B3GAT2: variants seen among roughly 807,000 people sequenced by gnomAD.
The protein encoded by B3GAT2 is beta-1,3-glucuronyltransferase 2, also known as galactosylgalactosylxylosylprotein 3-beta-glucuronosyltransferase 2.
In B3GAT2, 26 loss-of-function variants were observed where a neutral mutation model predicts 27.8. The ratio of observed to expected loss-of-function variants is 0.93; its 90% CI spans 0.68 to 1.30. B3GAT2 has a LOEUF of 1.30. Among genes scored for constraint, B3GAT2 ranks in the 50% most tolerant of loss-of-function variants. B3GAT2 has a pLI of 0.00. For missense variants in B3GAT2, 458 were observed against 459.0 expected, an observed-to-expected ratio of 1.00 and a Z score of 0.02; for synonymous variants, 218 against 195.1, an observed-to-expected ratio of 1.12 and a Z score of -0.98.
intron 1 of B3GAT2, among the ~76,000 whole-genome samples, chr6:70,926,979 C>A (rs1304127337): frequency 6.6e-6 from 1 of 152,130 alleles, no homozygotes; most frequent in Non-Finnish European, 1.5e-5. Flanking sequence ...GCAGATCTCT[C>A]AGCAGAAACA....
intron 1 of B3GAT2, among the ~76,000 whole-genome samples, chr6:70,918,295 T>C (rs985643357): frequency 3.3e-5 from 5 of 152,178 alleles, no homozygotes; most frequent in African/African-American, 9.6e-5. Flanking sequence ...ATGTGTGTCT[T>C]TGCATGTGAG....
intron 2 of B3GAT2, 162 bp from the exon 3 acceptor site, chr6:70,862,140 C>A: frequency 1.5e-6 from 1 of 645,568 alleles, no homozygotes. Flanking sequence ...ATTACAGTCT[C>A]AAAGGAAAAT....
At position 70,955,832 on chromosome 6, in the gene B3GAT2, C is replaced by A. The variant is rs1765645321; in HGVS notation, c.591+7G>T. ...TCGCCCACCCAGCGGGGCAGGCTGG[C>A]CTTTACCTCCTGGAAGAGCTCCAGA... On this transcript the variant is annotated splice_region_variant and intron_variant, in intron 1 of 3. Transcript: ENST00000230053. 1.3e-6 allele frequency: 2 copies of A among 1,588,196 alleles called. No homozygotes were observed.
chr6:70,876,211 G>A (rs560886168), intron 2 of B3GAT2, among the ~76,000 whole-genome samples: 24 of 152,298 alleles, frequency 1.6e-4, no homozygotes, highest in African/African-American at 5.5e-4. Context: ...ATATAGCAGA[G>A]CATGGTGAAG....
At chr6:70,941,231 T>C (rs577737576) in intron 1 of B3GAT2, among the ~76,000 whole-genome samples, 15 of 152,258 alleles carry the variant, frequency 9.9e-5, no homozygotes, top group African/African-American at 3.6e-4. Context: ...GAGAAGAACA[T>C]TTAGAGGCAC....
At chr6:70,911,969 ATGCAACTTATTTT>A (rs1488169564) in intron 1 of B3GAT2, among the ~76,000 whole-genome samples, 1 of 152,170 alleles carries the variant, frequency 6.6e-6, no homozygotes, top group African/African-American at 2.4e-5. Flanking sequence ...GTGTAAAGGA[ATGCAACTTATTTT>A]TGCACAGTGA....
rs181717429 is a variant in B3GAT2 at position 70,941,054 on chromosome 6, C to G, written c.591+14785G>C. Among the ~76,000 whole-genome samples, 751 of 152,228 alleles carry G rather than the reference C, an allele frequency of 4.9e-3. 3 individuals carry two copies. Among genetic ancestry groups the G allele is most frequent in the Non-Finnish European group, 8.1e-3 (548 of 68,000 alleles). ...ACTTCCTCCCAGGACTCTTTGTAGACAAGCCCTATTTAACTCTTGTCCCTG... is the reference window on the plus strand; with the variant it reads ...ACTTCCTCCCAGGACTCTTTGTAGAGAAGCCCTATTTAACTCTTGTCCCTG... On this transcript the variant is annotated intron_variant, in intron 1 of 3. Coordinates refer to ENST00000230053, the MANE Select transcript of B3GAT2 (RefSeq NM_080742.3).
intron 1 of B3GAT2, among the ~76,000 whole-genome samples, chr6:70,923,710 T>C (rs529047421): frequency 3.9e-5 from 6 of 152,254 alleles, no homozygotes; most frequent in African/African-American, 1.4e-4. Flanking sequence ...ATCTCACAGG[T>C]AGACAATTCA....
intron 2 of B3GAT2, among the ~76,000 whole-genome samples, chr6:70,876,618 G>T (rs1772019140): frequency 1.3e-5 from 2 of 152,150 alleles, no homozygotes; most frequent in African/African-American, 4.8e-5. Flanking sequence ...AGCATTCTTT[G>T]TTAAGCATAA....
intron 1 of B3GAT2, among the ~76,000 whole-genome samples, chr6:70,933,862 G>A (rs1053843511): frequency 6.6e-6 from 1 of 152,088 alleles, no homozygotes; most frequent in Admixed American, 6.6e-5. Context: ...TACAAATAGA[G>A]AGTGAAGTTA....
chr6:70,900,547 A>G (rs1019098159), intron 1 of B3GAT2, among the ~76,000 whole-genome samples: 3 of 152,240 alleles, frequency 2.0e-5, no homozygotes, highest in Admixed American at 1.3e-4. Context: ...CCATGCCAGG[A>G]CAGCTTTTTA....
At chr6:70,952,367 TA>T (rs1240003873) in intron 1 of B3GAT2, among the ~76,000 whole-genome samples, 1 of 152,178 alleles carries the variant, frequency 6.6e-6, no homozygotes, top group African/African-American at 2.4e-5. Context: ...TTTTTTTTAG[TA>T]TTTCAATTCA....
intron 1 of B3GAT2, among the ~76,000 whole-genome samples, chr6:70,950,381 T>C (rs1010625279): frequency 6.6e-6 from 1 of 151,720 alleles, no homozygotes; most frequent in African/African-American, 2.4e-5. Flanking sequence ...AGAGTTGACA[T>C]AACCAAGAAG....
intron 1 of B3GAT2, among the ~76,000 whole-genome samples, chr6:70,939,935 T>TA (rs1765361819): frequency 6.6e-6 from 1 of 151,986 alleles, no homozygotes; most frequent in Non-Finnish European, 1.5e-5. Flanking sequence ...AGATGTCAAT[T>TA]AAAAAATATC....
chr6:70,886,453 A>C (rs566862902), intron 2 of B3GAT2, among the ~76,000 whole-genome samples: 1 of 152,322 alleles, frequency 6.6e-6, no homozygotes, highest in Admixed American at 6.5e-5. Flanking sequence ...GGTTTTCAAA[A>C]TTTTTAGTCC....
intron 2 of B3GAT2, among the ~76,000 whole-genome samples, chr6:70,866,927 G>T (rs1299316270): frequency 6.6e-6 from 1 of 152,052 alleles, no homozygotes; most frequent in Non-Finnish European, 1.5e-5. Flanking sequence ...CCATAAATCT[G>T]TCTCAATACA....
intron 1 of B3GAT2, among the ~76,000 whole-genome samples, chr6:70,922,639 G>A (rs1214856606): frequency 6.6e-6 from 1 of 151,824 alleles, no homozygotes; most frequent in Non-Finnish European, 1.5e-5. Flanking sequence ...TAAAAATACA[G>A]CATCAAAATA....
At chr6:70,915,435 T>G (rs1236421671) in intron 1 of B3GAT2, among the ~76,000 whole-genome samples, 3 of 152,238 alleles carry the variant, frequency 2.0e-5, no homozygotes, top group African/African-American at 7.2e-5. Flanking sequence ...CAATTTTGGC[T>G]TTTGTTGCCA....
intron 1 of B3GAT2, among the ~76,000 whole-genome samples, chr6:70,954,574 A>G (rs1280998608): frequency 1.3e-5 from 2 of 152,232 alleles, no homozygotes; most frequent in African/African-American, 2.4e-5. Context: ...AAGTGTGGGA[A>G]GCAGTTAGGG....
Sources: allele counts gnomAD v4.1 joint callset (sites outside exome capture counted in the v4.1 genomes callset), GRCh38; gene constraint gnomAD v4.1.1; transcripts MANE v1.5; gene names NCBI Gene and HGNC (gene_info 2026-07-23, HGNC 2026-07-21).